The following BCL11A variants were observed in gnomAD, a reference collection of about 807,000 sequenced individuals.
BCL11A encodes B cell CLL/lymphoma 11A.
A neutral mutation model predicts 55.9 loss-of-function variants in BCL11A; 2 were observed. The observed-to-expected ratio is 0.04, with a 90% CI of 0.01 to 0.11. The LOEUF (loss-of-function observed/expected upper bound fraction) is 0.11. Ranked by LOEUF, BCL11A falls within the 10% of genes least tolerant of loss-of-function variation. The pLI is 1.00. For synonymous variants in BCL11A, 465 were observed against 473.4 expected (o/e 0.98, Z 0.23); for missense variants, 817 against 1,137.1 (o/e 0.72, Z 4.05).
At chr2:60,526,493 C>T (rs1199542675) in intron 2 of BCL11A, 3 of 152,112 alleles carry the variant, frequency 2.0e-5, no homozygotes, top group Non-Finnish European at 1.5e-5. Flanking sequence ...CAAAAGGGTC[C>T]GCAAAATAAA....
chr2:60,520,446 C>T (rs1668927330), intron 2 of BCL11A, among the ~76,000 whole-genome samples: 1 of 152,054 alleles, frequency 6.6e-6, no homozygotes, highest in African/African-American at 2.4e-5. Flanking sequence ...TCAAGTGCCA[C>T]CAAATTTTTT....
chr2:60,467,396 A>G (rs1374770380), intron 3 of BCL11A, among the ~76,000 whole-genome samples: 2 of 16,512 alleles, frequency 1.2e-4, no homozygotes, highest in Non-Finnish European at 1.0e-4. Context: ...ACTGGTGGTG[A>G]TGGTGATGGT....
chr2:60,533,554 T>A (rs1048611460), intron 2 of BCL11A: 3 of 152,226 alleles, frequency 2.0e-5, no homozygotes, highest in Non-Finnish European at 4.4e-5. Flanking sequence ...ACATAAAGTA[T>A]GAAGATTTTT....
chr2:60,514,644 G>A (rs1668648046), intron 2 of BCL11A, among the ~76,000 whole-genome samples: 1 of 151,562 alleles, frequency 6.6e-6, no homozygotes, highest in African/African-American at 2.4e-5. Context: ...CTCCAGCCTG[G>A]GCGACAGAGC....
intron 2 of BCL11A, among the ~76,000 whole-genome samples, chr2:60,512,099 T>C (rs1158678765): frequency 2.0e-5 from 3 of 152,222 alleles, no homozygotes; most frequent in Admixed American, 6.5e-5. Flanking sequence ...GCAACTTAAT[T>C]CAAACAACTT....
rs1057524042 is a variant in BCL11A at position 60,546,093 on chromosome 2, G to A, written c.263C>T (p.Ser88Leu). The A allele has an allele frequency of 6.2e-7, 1 of 1,614,236 alleles. No individual in the cohort carries two copies. The highest frequency in any genetic ancestry group is 1.3e-5 in the African/African-American group (1 of 75,066). Residue 88 changes from serine (S) to leucine (L), a missense_variant, in exon 2 of 4, where the codon TCA (serine) becomes TTA (leucine). Physicochemically the swap from Ser to Leu is moderately radical, Grantham distance 145 (BLOSUM62 -2). Coordinates refer to ENST00000642384, the MANE Select transcript of BCL11A (RefSeq NM_022893.4). This position sits in a 1 kb window ranked among gnomAD's most constrained non-coding sequence, Gnocchi z 4.1. ...GGATGCTTTTTTCATCTCGATTGGT[G>A]AAGGGGAAGGTGGCTTATCCACAGC... The part of the protein sequence containing the change: ...EKAVDKPPSP[S>L]PIEMKKASNP...
chr2:60,537,439 A>G (rs1669720932), intron 2 of BCL11A: 1 of 152,246 alleles, frequency 6.6e-6, no homozygotes, highest in South Asian at 2.1e-4. Flanking sequence ...TCCCCCCTAA[A>G]TGTAAATAAA....
chr2:60,452,731 T>C (rs1675780124), downstream of BCL11A: 8 of 1,293,108 alleles, frequency 6.2e-6, no homozygotes, highest in South Asian at 6.1e-5. Context: ...GGCCCAATGA[T>C]TTTCTGTTCT....
intron 2 of BCL11A, chr2:60,542,448 C>T (rs1243027507): frequency 2.0e-5 from 3 of 152,114 alleles, no homozygotes; most frequent in Non-Finnish European, 2.9e-5. Flanking sequence ...AACAAAACCC[C>T]TATTGAAAGC....
intron 3 of BCL11A, among the ~76,000 whole-genome samples, chr2:60,465,577 C>T (rs1443191826): frequency 6.6e-6 from 1 of 152,156 alleles, no homozygotes; most frequent in Non-Finnish European, 1.5e-5. Context: ...GTCATGTGAT[C>T]TAAGCCTCAA....
At chr2:60,550,946 GGA>G in intron 1 of BCL11A, 5 of 398,032 alleles carry the variant, frequency 1.3e-5, no homozygotes, top group Non-Finnish European at 2.2e-5. Context: ...TGGGGGCGGG[GGA>G]GAGCGGCGAG....
intron 1 of BCL11A, among the ~76,000 whole-genome samples, chr2:60,549,402 G>A (rs952849556): frequency 6.6e-6 from 1 of 152,218 alleles, no homozygotes; most frequent in African/African-American, 2.4e-5. Context: ...TCTTAACAGG[G>A]TAAAGAAGCA....
chr2:60,513,400 C>T lies in BCL11A; in HGVS notation c.385+32571G>A, dbSNP rs144263124. On this transcript the variant is annotated intron_variant, in intron 2 of 3. Transcript: ENST00000642384. ...GGTGCTTCTGGAGATGCTGCCTCCA[C>T]GCCCCACTTGAGGCTGTCCACAGCA... is the stretch of plus-strand genomic sequence containing the variant. 7.9e-4 allele frequency among the ~76,000 whole-genome samples: 121 copies of T among 152,310 alleles called. 1 individual carries two copies. In the Middle Eastern group the frequency reaches 0.017, roughly 21 times the overall value.
In BCL11A at chr2:60,458,408, T is replaced by TAATG; in HGVS notation, c.*1992_*1995dup. ...CTAAAATGCAGTTCCCCCCTAAACATAATGAAGTGTTTTTTAAAAAAAATT... is the reference window on the plus strand; with the variant it reads ...CTAAAATGCAGTTCCCCCCTAAACATAATGAATGAAGTGTTTTTTAAAAAAAATT... On this transcript the variant is annotated 3_prime_UTR_variant, in exon 4 of 4. Coordinates refer to ENST00000642384, the MANE Select transcript of BCL11A (RefSeq NM_022893.4). The TAATG allele has an allele frequency of 3.9e-6, 4 of 1,020,024 alleles. No homozygotes were observed. Among genetic ancestry groups the TAATG allele is most frequent in the Non-Finnish European group, 4.7e-6 (4 of 849,470 alleles). 63.2% of individuals were successfully genotyped at this position (1,020,024 alleles called of 1,614,324 possible).
chr2:60,452,281 G>A (rs867751209), downstream of BCL11A: 14 of 301,568 alleles, frequency 4.6e-5, no homozygotes, highest in Non-Finnish European at 6.8e-5. Context: ...AGGTTGGCTG[G>A]TTTCAGAAGG....
chr2:60,551,695 A>T (rs866964050), intron 1 of BCL11A, among the ~76,000 whole-genome samples: 12 of 152,192 alleles, frequency 7.9e-5, no homozygotes, highest in South Asian at 4.1e-4. Context: ...AGGTCTCGGC[A>T]TTGTGCTGGG....
At chr2:60,541,748 G>A (rs945736010) in intron 2 of BCL11A, 1 of 521,416 alleles carries the variant, frequency 1.9e-6, no homozygotes, top group Non-Finnish European at 3.4e-6. Flanking sequence ...TGGTAGTGGT[G>A]TTTTTTTGTT....
At chr2:60,453,948 G>C (rs968251376), downstream of BCL11A, among the ~76,000 whole-genome samples, 2 of 152,104 alleles carry the variant, frequency 1.3e-5, no homozygotes, top group African/African-American at 4.8e-5. Flanking sequence ...CAAGTACAAT[G>C]ACCCGTGTGA....
At chr2:60,465,528 G>C (rs1324186523) in intron 3 of BCL11A, among the ~76,000 whole-genome samples, 1 of 152,114 alleles carries the variant, frequency 6.6e-6, no homozygotes, top group Admixed American at 6.5e-5. Context: ...TTATGGGAAG[G>C]AATGACCCCC....
Sources: allele counts gnomAD v4.1 joint callset (sites outside exome capture counted in the v4.1 genomes callset), GRCh38; gene constraint gnomAD v4.1.1; non-coding constraint Gnocchi (gnomAD v3.1); transcripts MANE v1.5; gene names NCBI Gene and HGNC (gene_info 2026-07-23, HGNC 2026-07-21).